HCN1: variants seen among roughly 807,000 people sequenced by gnomAD.
The protein encoded by HCN1 is hyperpolarization activated cyclic nucleotide gated potassium channel 1.
Under a neutral mutation model 78.9 loss-of-function variants are expected in HCN1, and 13 were observed. The ratio of observed to expected loss-of-function variants is 0.16; its 90% confidence interval spans 0.11 to 0.26. HCN1 has a LOEUF of 0.26. Ranked by LOEUF, HCN1 falls within the 10% of genes least tolerant of loss-of-function variation. The pLI is 1.00. For synonymous variants in HCN1, 552 were observed against 455.5 expected (o/e 1.21, Z -2.70); for missense variants, 810 against 1,154.3 (o/e 0.70, Z 4.32).
At chr5:45,371,993 A>T (rs1427554019) in intron 4 of HCN1, among the ~76,000 whole-genome samples, 1 of 278 alleles carries the variant, frequency 3.6e-3, no homozygotes. Context: ...TATATAATGT[A>T]ATATATATAG....
At chr5:45,359,750 G>A (rs1747074250) in intron 4 of HCN1, among the ~76,000 whole-genome samples, 1 of 151,630 alleles carries the variant, frequency 6.6e-6, no homozygotes, top group South Asian at 2.1e-4. Context: ...ACCTTCATCT[G>A]CCAAAATAAA....
intron 4 of HCN1, among the ~76,000 whole-genome samples, chr5:45,383,060 TTAAC>T (rs1175074485): frequency 1.3e-5 from 2 of 152,190 alleles, no homozygotes; most frequent in African/African-American, 4.8e-5. Context: ...GTAAAAATAA[TTAAC>T]TACTATTAGA....
intron 2 of HCN1, among the ~76,000 whole-genome samples, chr5:45,613,279 T>C (rs957811849): frequency 6.6e-6 from 1 of 151,680 alleles, no homozygotes; most frequent in Non-Finnish European, 1.5e-5. Flanking sequence ...CTTGTGATAG[T>C]TTACTGAGAA....
intron 6 of HCN1, among the ~76,000 whole-genome samples, chr5:45,303,181 C>A (rs559994773): frequency 6.6e-6 from 1 of 152,202 alleles, no homozygotes; most frequent in South Asian, 2.1e-4. Context: ...GAATATCAAA[C>A]AGAAGCTGTT....
chr5:45,262,951 C>G, intron 7 of HCN1, 141 bp from the exon 8 acceptor site: 1 of 811,414 alleles, frequency 1.2e-6, no homozygotes, highest in Non-Finnish European at 2.0e-6. Flanking sequence ...CCTTTACACA[C>G]CAAATACCAA....
chr5:45,290,754 C>T (rs1745355744), intron 6 of HCN1, among the ~76,000 whole-genome samples: 1 of 151,856 alleles, frequency 6.6e-6, no homozygotes, highest in South Asian at 2.1e-4. Context: ...TGATCTTTTA[C>T]AAGTCTACAG....
intron 5 of HCN1, among the ~76,000 whole-genome samples, chr5:45,344,558 G>A (rs1344888428): frequency 6.6e-6 from 1 of 152,176 alleles, no homozygotes; most frequent in Admixed American, 6.5e-5. Context: ...ATAGGCATCA[G>A]GTAAATACAG....
intron 2 of HCN1, among the ~76,000 whole-genome samples, chr5:45,525,057 T>C (rs1328316160): frequency 6.6e-6 from 1 of 152,164 alleles, no homozygotes; most frequent in African/African-American, 2.4e-5. Flanking sequence ...ATTGAGAGTT[T>C]TTAGCATGAA....
intron 2 of HCN1, chr5:45,641,605 T>C (rs1745456682): frequency 6.6e-6 from 1 of 152,210 alleles, no homozygotes; most frequent in African/African-American, 2.4e-5. Context: ...ATAGTTATTA[T>C]ATAATGATGC....
chr5:45,285,195 C>T (rs184758953), intron 6 of HCN1, among the ~76,000 whole-genome samples: 11 of 152,102 alleles, frequency 7.2e-5, no homozygotes, highest in Admixed American at 4.6e-4. Context: ...CTTTGACACA[C>T]TACTATTCAA....
chr5:45,432,312 T>C (rs1182623788), intron 3 of HCN1, among the ~76,000 whole-genome samples: 1 of 152,186 alleles, frequency 6.6e-6, no homozygotes, highest in African/African-American at 2.4e-5. Context: ...AAGTTGTTTA[T>C]CAGATCAAGG....
chr5:45,483,860 A>G (rs1376517534), intron 2 of HCN1, among the ~76,000 whole-genome samples: 1 of 152,128 alleles, frequency 6.6e-6, no homozygotes, highest in Non-Finnish European at 1.5e-5. Flanking sequence ...TCCTAGCACT[A>G]TATACTGAAT....
chr5:45,592,392 A>T (rs1270636621), intron 2 of HCN1, among the ~76,000 whole-genome samples: 1 of 152,150 alleles, frequency 6.6e-6, no homozygotes, highest in African/African-American at 2.4e-5. Context: ...TCATTATTTG[A>T]TTGGCTTTTG....
At chr5:45,366,419 G>A (rs558051240) in intron 4 of HCN1, among the ~76,000 whole-genome samples, 2 of 151,632 alleles carry the variant, frequency 1.3e-5, no homozygotes, top group African/African-American at 4.8e-5. Context: ...TATTATGTAA[G>A]CCCTGTATAT....
At chr5:45,455,522 CTCAATAGATCAT>C (rs1741012107) in intron 3 of HCN1, among the ~76,000 whole-genome samples, 1 of 151,930 alleles carries the variant, frequency 6.6e-6, no homozygotes, top group Non-Finnish European at 1.5e-5. Flanking sequence ...CAAAGAAATA[CTCAATAGATCAT>C]TTAAATGAAA....
At chr5:45,353,294 A>G (rs751564720) in intron 4 of HCN1, 48 bp from the exon 5 acceptor site, 29 of 1,327,668 alleles carry the variant, frequency 2.2e-5, no homozygotes, top group Non-Finnish European at 2.7e-5. Context: ...GTTAGGGTGT[A>G]TCAGAAATCA....
At chr5:45,458,839 C>A (rs1314521861) in intron 3 of HCN1, among the ~76,000 whole-genome samples, 2 of 152,086 alleles carry the variant, frequency 1.3e-5, no homozygotes, top group African/African-American at 4.8e-5. Flanking sequence ...AATAAGATAG[C>A]ATCCTTCAAA....
intron 3 of HCN1, among the ~76,000 whole-genome samples, chr5:45,460,269 G>C (rs1001099348): frequency 1.7e-4 from 26 of 152,098 alleles, no homozygotes; most frequent in African/African-American, 6.0e-4. Flanking sequence ...GTATGTTCCT[G>C]CCGCCTTTCC....
intron 5 of HCN1, among the ~76,000 whole-genome samples, chr5:45,306,834 C>T (rs1745744803): frequency 6.6e-6 from 1 of 151,988 alleles, no homozygotes; most frequent in Non-Finnish European, 1.5e-5. Context: ...TATCTATGTG[C>T]ATTAAATTGA....
Sources: gnomAD v4.1 joint callset for allele counts (sites outside exome capture counted in the v4.1 genomes callset) on GRCh38, gnomAD v4.1.1 for gene constraint, MANE v1.5 for transcripts, NCBI Gene and HGNC (gene_info 2026-07-23, HGNC 2026-07-21) for gene names.